TANGO6: variants seen among roughly 807,000 people sequenced by gnomAD.
TANGO6 encodes the protein transport and golgi organization 6 homolog.
In TANGO6, 90 loss-of-function variants were observed where a neutral mutation model predicts 114.2. That is an observed-to-expected ratio of 0.79 (90% confidence interval 0.66 to 0.94). TANGO6 has a LOEUF of 0.94. TANGO6 is among the 40% of genes least tolerant of loss of function. The pLI is 0.00. For missense variants in TANGO6, 1,274 were observed against 1,315.3 expected, an observed-to-expected ratio of 0.97 and a Z score of 0.49; for synonymous variants, 477 against 509.8, an observed-to-expected ratio of 0.94 and a Z score of 0.87.
At chr16:69,078,734 T>G (rs1169257856) in intron 17 of TANGO6, among the ~76,000 whole-genome samples, 5 of 152,132 alleles carry the variant, frequency 3.3e-5, no homozygotes, top group Non-Finnish European at 5.9e-5. Flanking sequence ...TTTCTGTATT[T>G]TATTTTATTT....
intron 4 of TANGO6, 155 bp downstream of exon 4, chr16:68,867,375 A>C: frequency 1.1e-6 from 1 of 881,216 alleles, no homozygotes; most frequent in Non-Finnish European, 1.7e-6. Context: ...AGAGGCCGTT[A>C]ATGAGCTTCT....
chr16:68,980,433 A>AT (rs1170142167), intron 15 of TANGO6, among the ~76,000 whole-genome samples: 135 of 80,732 alleles, frequency 1.7e-3, no homozygotes, highest in African/African-American at 6.4e-3. Context: ...ATATATATAT[A>AT]TATTTTTTTT....
At chr16:68,862,755 T>C (rs1318579755) in intron 2 of TANGO6, among the ~76,000 whole-genome samples, 190 bp from the exon 3 acceptor site, 1 of 151,920 alleles carries the variant, frequency 6.6e-6, no homozygotes, top group Non-Finnish European at 1.5e-5. Flanking sequence ...AGAAGTGGAG[T>C]GAGCGAGATG....
chr16:69,031,095 T>A (rs1338220471), intron 16 of TANGO6, among the ~76,000 whole-genome samples: 1 of 151,994 alleles, frequency 6.6e-6, no homozygotes, highest in Non-Finnish European at 1.5e-5. Context: ...TTTAAAAATT[T>A]TTTTTAAAAA....
rs143039049 is a variant in TANGO6, at chr16:69,083,847, G to A, written c.*186G>A. 6.7e-4 allele frequency: 398 copies of A among 590,088 alleles called. No individual in the cohort carries two copies. The East Asian group carries it at 8.5e-3, about 13-fold the overall frequency. 36.6% of individuals were successfully genotyped at this position (590,088 alleles called of 1,614,324 possible). A position where few individuals can be genotyped will look rare whatever the true frequency, so the allele number is the denominator to read the frequency against. ...CCGAGGGCATGTGTTCAGCACTCCC[G>A]CGTTCAGCCTGAGGGGTGTACAGTT... On this transcript the variant is annotated 3_prime_UTR_variant, in exon 18 of 18. Coordinates refer to ENST00000261778, the MANE Select transcript of TANGO6 (RefSeq NM_024562.2).
chr16:68,990,517 A>G (rs1963937609), intron 15 of TANGO6, among the ~76,000 whole-genome samples: 1 of 152,216 alleles, frequency 6.6e-6, no homozygotes, highest in African/African-American at 2.4e-5. Context: ...TATGGGAGCT[A>G]CAACTCAAGA....
At chr16:69,003,062 T>A (rs1964058334) in intron 15 of TANGO6, among the ~76,000 whole-genome samples, 1 of 152,114 alleles carries the variant, frequency 6.6e-6, no homozygotes, top group East Asian at 1.9e-4. Context: ...AGAAAGTTTT[T>A]AAATCTTTTA....
chr16:68,916,482 G>T (rs1424093850), intron 11 of TANGO6, among the ~76,000 whole-genome samples: 1 of 150,724 alleles, frequency 6.6e-6, no homozygotes, highest in Non-Finnish European at 1.5e-5. Context: ...CAACCCCAGT[G>T]TGTGGAAAAA....
At chr16:68,982,629 C>CATTTTT (rs1567553024) in intron 15 of TANGO6, among the ~76,000 whole-genome samples, 4 of 120,538 alleles carry the variant, frequency 3.3e-5, no homozygotes, top group African/African-American at 1.2e-4. Context: ...CATGCCCTGG[C>CATTTTT]CTTTTTTTTT....
intron 14 of TANGO6, among the ~76,000 whole-genome samples, chr16:68,958,090 T>A (rs1168573572): frequency 6.6e-6 from 1 of 151,204 alleles, no homozygotes; most frequent in Non-Finnish European, 1.5e-5. Context: ...GAGAATCACT[T>A]GAACCGGGAG....
At chr16:68,850,191 C>T (rs1230237278) in intron 1 of TANGO6, among the ~76,000 whole-genome samples, 1 of 152,044 alleles carries the variant, frequency 6.6e-6, no homozygotes, top group Admixed American at 6.6e-5. Flanking sequence ...CCAGTCTGGT[C>T]TCGAACTCCT....
intron 17 of TANGO6, among the ~76,000 whole-genome samples, chr16:69,060,417 G>A (rs952854952): frequency 2.0e-5 from 3 of 151,964 alleles, no homozygotes; most frequent in Admixed American, 6.6e-5. Context: ...GCAACATAGC[G>A]AGGCCTCATC....
intron 7 of TANGO6, among the ~76,000 whole-genome samples, chr16:68,894,420 C>T (rs1036630363): frequency 6.6e-6 from 1 of 151,964 alleles, no homozygotes; most frequent in African/African-American, 2.4e-5. Flanking sequence ...AGAGTATACC[C>T]CTGGAGATCT....
At chr16:69,030,477 C>T (rs1200430683) in intron 16 of TANGO6, among the ~76,000 whole-genome samples, 1 of 151,658 alleles carries the variant, frequency 6.6e-6, no homozygotes, top group East Asian at 2.0e-4. Context: ...GTGCAAAGGG[C>T]GTGAGATGGC....
At chr16:68,861,089 G>A (rs1962085393) in intron 2 of TANGO6, among the ~76,000 whole-genome samples, 1 of 152,166 alleles carries the variant, frequency 6.6e-6, no homozygotes. Flanking sequence ...GACTACAGAA[G>A]TTGCTGTGGA....
At chr16:68,968,555 G>A (rs1290485201) in intron 14 of TANGO6, among the ~76,000 whole-genome samples, 1 of 151,864 alleles carries the variant, frequency 6.6e-6, no homozygotes, top group African/African-American at 2.4e-5. Flanking sequence ...GTAGAGAGGG[G>A]GGTTTCACCA....
Position 68,907,656 on chromosome 16 carries a change from AT to A in TANGO6, c.1800+85del, listed in dbSNP as rs1418481581. On this transcript the variant is annotated intron_variant, in intron 10 of 17. Coordinates refer to ENST00000261778, the MANE Select transcript of TANGO6 (RefSeq NM_024562.2). ...CCTTAGAATTTTCAAAGCATTTATAATTTTAGGTCCTAAAATGTAGGCCCTA... is the reference window on the plus strand; with the variant it reads ...CCTTAGAATTTTCAAAGCATTTATAATTTAGGTCCTAAAATGTAGGCCCTA... The A allele has an allele frequency of 1.2e-5, 18 of 1,443,480 alleles. No individual in the cohort carries two copies. In the African/African-American group the frequency reaches 2.3e-4, roughly 18 times the overall value. 89.4% of individuals were successfully genotyped at this position (1,443,480 alleles called of 1,614,324 possible).
rs530440118 is a variant in TANGO6 at position 68,886,765 on chromosome 16, C to T, written c.1377+6135C>T. Among the ~76,000 whole-genome samples the T allele has an allele frequency of 2.1e-4, 32 of 152,212 alleles. No homozygotes were observed. The East Asian group carries it at 2.7e-3, about 13-fold the overall frequency. On this transcript the variant is annotated intron_variant, in intron 7 of 17. Transcript: ENST00000261778. ...ACCTCAGGTGATCCACCTGCCTCAG[C>T]CTCCCAAAGTGCTGGGATTATAGGC...
chr16:68,843,942 T>A (rs1961764284), intron 1 of TANGO6, among the ~76,000 whole-genome samples: 1 of 152,190 alleles, frequency 6.6e-6, no homozygotes, highest in Non-Finnish European at 1.5e-5. Context: ...CCAACATCTC[T>A]TGAGCATTTG....
Sources: allele counts gnomAD v4.1 joint callset (sites outside exome capture counted in the v4.1 genomes callset), GRCh38; gene constraint gnomAD v4.1.1; transcripts MANE v1.5; gene names NCBI Gene and HGNC (gene_info 2026-07-23, HGNC 2026-07-21).